MPPED2: variants seen among roughly 807,000 people sequenced by gnomAD.
The protein encoded by MPPED2 is metallophosphoesterase MPPED2.
In MPPED2, 5 loss-of-function variants were observed where a neutral mutation model predicts 33.0. That is an observed-to-expected ratio of 0.15 (90% CI 0.08 to 0.32). The LOEUF (loss-of-function observed/expected upper bound fraction) is 0.32, where lower values mean the gene tolerates loss of function less well. Among genes scored for constraint, MPPED2 ranks in the 10% least tolerant of loss-of-function variants. The pLI, the probability that MPPED2 is intolerant of heterozygous loss-of-function variation, is 1.00. For missense variants in MPPED2, 275 were observed against 372.1 expected (o/e 0.74, Z 2.15); for synonymous variants, 136 against 141.9 (o/e 0.96, Z 0.29).
At position 30,478,881 on chromosome 11, in the gene MPPED2, T is replaced by C. The variant is rs530943430; in HGVS notation, c.536+16415A>G. On this transcript the variant is annotated intron_variant, in intron 4 of 6. Transcript: ENST00000358117. ...TGCCTGTGTGTAGTGTTGTGGGTTT[T>C]TTGTTGCTGTTCACAATATGAGCAG... Among the ~76,000 whole-genome samples, 3 of 152,132 alleles carry C rather than the reference T, an allele frequency of 2.0e-5. No homozygotes were observed. The South Asian group carries it at 6.2e-4, about 32-fold the overall frequency.
chr11:30,438,083 A>G (rs1028090162), intron 4 of MPPED2, among the ~76,000 whole-genome samples: 1 of 152,214 alleles, frequency 6.6e-6, no homozygotes, highest in Non-Finnish European at 1.5e-5. Context: ...TACGCAAAGC[A>G]CTTAGAATGG....
At chr11:30,474,587 A>G (rs1951096990) in intron 4 of MPPED2, among the ~76,000 whole-genome samples, 3 of 152,190 alleles carry the variant, frequency 2.0e-5, no homozygotes, top group Non-Finnish European at 2.9e-5. Context: ...TCCAAAGAAA[A>G]ACATGCAAAT....
At chr11:30,489,910 AT>A (rs11411621) in intron 4 of MPPED2, among the ~76,000 whole-genome samples, 104 of 149,154 alleles carry the variant, frequency 7.0e-4, no homozygotes, top group East Asian at 1.6e-3. Flanking sequence ...TAGTATGTGG[AT>A]TTTTTTTTTT....
At chr11:30,456,650 T>TA (rs1481858082) in intron 4 of MPPED2, among the ~76,000 whole-genome samples, 2 of 152,336 alleles carry the variant, frequency 1.3e-5, no homozygotes, top group African/African-American at 2.4e-5. Flanking sequence ...ACAATCCTGA[T>TA]ATTCTGTAAC....
At chr11:30,482,007 C>T (rs560416199) in intron 4 of MPPED2, among the ~76,000 whole-genome samples, 1 of 152,140 alleles carries the variant, frequency 6.6e-6, no homozygotes, top group African/African-American at 2.4e-5. Context: ...GGATCATATA[C>T]GTGATGACGG....
chr11:30,442,042 C>T (rs1949595554), intron 4 of MPPED2, among the ~76,000 whole-genome samples: 1 of 152,132 alleles, frequency 6.6e-6, no homozygotes. Flanking sequence ...AAAACTGGCT[C>T]AGAGATGGCC....
chr11:30,445,313 T>C (rs1949756232), intron 4 of MPPED2, among the ~76,000 whole-genome samples: 1 of 152,188 alleles, frequency 6.6e-6, no homozygotes, highest in Admixed American at 6.5e-5. Flanking sequence ...GTTGAAGACC[T>C]TCGACTAATA....
rs981442292 is a variant in MPPED2 at position 30,448,437 on chromosome 11, T to A, written c.537-30804A>T. On this transcript the variant is annotated intron_variant, in intron 4 of 6. Transcript: ENST00000358117. ...GAAGCCTCACTCCCTATCTATGGTC[T>A]GAAGCCCAGGCTTCTGATTGTTACA... Among the ~76,000 whole-genome samples the A allele has an allele frequency of 2.0e-5, 3 of 152,178 alleles. No individual in the cohort carries two copies. In the East Asian group the frequency reaches 5.8e-4, roughly 29 times the overall value.
chr11:30,385,564 CA>C (rs932626940), exon 7 of MPPED2: 2 of 151,496 alleles, frequency 1.3e-5, no homozygotes, highest in Non-Finnish European at 2.9e-5. Flanking sequence ...CCACCCCCGC[CA>C]AAAAACCTTC....
At chr11:30,464,154 A>G (rs889825192) in intron 4 of MPPED2, among the ~76,000 whole-genome samples, 1 of 152,104 alleles carries the variant, frequency 6.6e-6, no homozygotes, top group African/African-American at 2.4e-5. Flanking sequence ...GTTTAAGTTG[A>G]TCTTTTATCA....
chr11:30,539,973 C>A (rs1376804993), intron 2 of MPPED2, among the ~76,000 whole-genome samples: 1 of 152,120 alleles, frequency 6.6e-6, no homozygotes, highest in Non-Finnish European at 1.5e-5. Context: ...GCTCCTTCCT[C>A]CCCCTGTGCA....
intron 1 of MPPED2, among the ~76,000 whole-genome samples, chr11:30,583,210 AT>A (rs1290704601): frequency 1.4e-5 from 2 of 140,354 alleles, no homozygotes; most frequent in Non-Finnish European, 3.0e-5. Flanking sequence ...ACCACTTCCT[AT>A]AACCTGAGAA....
chr11:30,520,155 T>G (rs756964942), intron 3 of MPPED2, among the ~76,000 whole-genome samples: 4 of 151,926 alleles, frequency 2.6e-5, no homozygotes, highest in African/African-American at 9.7e-5. Context: ...ATCCTGAAAT[T>G]AGAAAAAAAG....
chr11:30,535,714 C>A (rs1351409656), intron 3 of MPPED2, among the ~76,000 whole-genome samples: 2 of 152,024 alleles, frequency 1.3e-5, no homozygotes, highest in African/African-American at 4.8e-5. Flanking sequence ...CAATGAATGC[C>A]CTCATTAAAG....
intron 3 of MPPED2, among the ~76,000 whole-genome samples, chr11:30,514,648 A>T (rs574708355): frequency 6.6e-6 from 1 of 152,324 alleles, no homozygotes; most frequent in East Asian, 1.9e-4. Flanking sequence ...AGCTTTTTGT[A>T]TACCTTCTGC....
At chr11:30,450,297 G>C (rs1220272418) in intron 4 of MPPED2, among the ~76,000 whole-genome samples, 1 of 152,168 alleles carries the variant, frequency 6.6e-6, no homozygotes. Flanking sequence ...GGTTCCAAGA[G>C]TCCTACTCCT....
chr11:30,582,340 T>A (rs561645745), intron 1 of MPPED2, among the ~76,000 whole-genome samples: 13 of 152,294 alleles, frequency 8.5e-5, no homozygotes, highest in African/African-American at 3.1e-4. Context: ...GGGGAAAAAT[T>A]CACATTTTCA....
At chr11:30,524,863 T>C (rs1954081340) in intron 3 of MPPED2, among the ~76,000 whole-genome samples, 1 of 152,226 alleles carries the variant, frequency 6.6e-6, no homozygotes. Context: ...GAGGTGTCTG[T>C]GTACTTTCTA....
chr11:30,477,207 T>C (rs1405648313), intron 4 of MPPED2, among the ~76,000 whole-genome samples: 1 of 152,022 alleles, frequency 6.6e-6, no homozygotes, highest in Non-Finnish European at 1.5e-5. Flanking sequence ...TTCACTCCTT[T>C]TATTTCTTTT....
Sources: allele counts gnomAD v4.1 joint callset (sites outside exome capture counted in the v4.1 genomes callset), GRCh38; gene constraint gnomAD v4.1.1; transcripts MANE v1.5; gene names NCBI Gene and HGNC (gene_info 2026-07-23, HGNC 2026-07-21).